Variants in TDRD9 observed in about 807,000 individuals in gnomAD.
TDRD9 encodes tudor domain containing 9, also known as ATP-dependent RNA helicase TDRD9.
A neutral mutation model predicts 172.6 loss-of-function variants in TDRD9; 124 were observed. The ratio of observed to expected loss-of-function variants is 0.72; its 90% CI spans 0.62 to 0.83. The LOEUF (loss-of-function observed/expected upper bound fraction) is 0.83. TDRD9 is among the 40% of genes least tolerant of loss of function. The pLI is 0.00. For synonymous variants in TDRD9, 619 were observed against 617.1 expected (o/e 1.00, Z -0.05); for missense variants, 1,479 against 1,714.1 (o/e 0.86, Z 2.42).
chr14:103,969,815 G>T (rs1566748172), intron 5 of TDRD9, among the ~76,000 whole-genome samples: 1 of 151,754 alleles, frequency 6.6e-6, no homozygotes, highest in Non-Finnish European at 1.5e-5. Flanking sequence ...AGCTGGTTCT[G>T]GGGTGGGGCG....
In TDRD9 at chr14:104,034,193, C is replaced by CT. The variant is rs1555375500; in HGVS notation, c.3619+139dup. On this transcript the variant is annotated intron_variant, in intron 31 of 35. Transcript: ENST00000409874. ...ACACTATGTACTATTCTTTTTTTTT[C>CT]TTTTTTTTTTTTTTTGAGACAGAGT... 68 of 158,310 alleles carry CT rather than the reference C, an allele frequency of 4.3e-4. 1 individual carries two copies. Among genetic ancestry groups the CT allele is most frequent in the African/African-American group, 1.6e-3 (48 of 30,198 alleles). The allele number at this position is 158,310 out of a possible 1,614,324, so 9.8% of individuals were successfully genotyped here.
At chr14:103,937,755 G>A (rs950276773) in intron 1 of TDRD9, among the ~76,000 whole-genome samples, 3 of 152,140 alleles carry the variant, frequency 2.0e-5, no homozygotes, top group African/African-American at 7.2e-5. Context: ...TTTAGAGGGT[G>A]TGTGTGTGTA....
chr14:103,957,821 C>T (rs572956853), intron 2 of TDRD9, among the ~76,000 whole-genome samples: 6 of 152,158 alleles, frequency 3.9e-5, no homozygotes, highest in African/African-American at 9.7e-5. Context: ...TGTAGCGTGC[C>T]GGATGGATTA....
intron 12 of TDRD9, 65 bp downstream of exon 12, chr14:103,995,872 C>A: frequency 1.4e-6 from 2 of 1,388,160 alleles, no homozygotes; most frequent in Non-Finnish European, 2.0e-6. Context: ...GCTTATTCAC[C>A]TCACTCAGGA....
chr14:103,928,783 G>T, intron 1 of TDRD9, 59 bp downstream of exon 1: 1 of 552,698 alleles, frequency 1.8e-6, no homozygotes, highest in Non-Finnish European at 2.6e-6. Flanking sequence ...CTGGCGACGA[G>T]GGCACGGGCC....
chr14:103,938,684 G>A (rs938848368), intron 1 of TDRD9, among the ~76,000 whole-genome samples: 3 of 151,528 alleles, frequency 2.0e-5, no homozygotes, highest in Non-Finnish European at 2.9e-5. Context: ...TGATTCGCCC[G>A]CCTCGGCCTC....
chr14:104,006,178 C>G (rs1164552936), intron 15 of TDRD9, among the ~76,000 whole-genome samples: 3 of 151,972 alleles, frequency 2.0e-5, no homozygotes, highest in Non-Finnish European at 2.9e-5. Flanking sequence ...CTCCCAGGAT[C>G]ATACTTTTAA....
chr14:104,018,177 T>G lies in TDRD9; in HGVS notation c.2417T>G (p.Val806Gly). The G allele has an allele frequency of 6.3e-7, 1 of 1,589,400 alleles. No homozygotes were observed. The highest frequency in any genetic ancestry group is 8.6e-7 in the Non-Finnish European group (1 of 1,160,338). Residue 806 changes from valine (V) to glycine (G), a missense_variant, in exon 23 of 36, where the codon GTA (valine) becomes GGA (glycine). Physicochemically the swap from Val to Gly is moderately radical, Grantham distance 109 (BLOSUM62 -3). Coordinates refer to ENST00000409874, the MANE Select transcript of TDRD9 (RefSeq NM_153046.3). ...CAGTGTGGTCAAGTCAAATCCATTG[T>G]ATTTGATGGTGCAAAGTAAGTATAT... Reference protein sequence around the residue: ...FRQCGQVKSIVFDGAKAFVEF... With the variant: ...FRQCGQVKSIGFDGAKAFVEF...
Position 104,005,257 on chromosome 14 carries a change from G to A in TDRD9, c.1582-17G>A, listed in dbSNP as rs766102559. 8 of 1,613,428 alleles carry A rather than the reference G, an allele frequency of 5.0e-6. No homozygotes were observed. Among genetic ancestry groups the A allele is most frequent in the Middle Eastern group, 1.7e-4 (1 of 6,060 alleles). Reference sequence around the variant, plus strand: ...AGTTATGTTATTATTTCTAATCTCAGGCTTGTTTCTTTTCAGCGTTGTCCA... The same window carrying A: ...AGTTATGTTATTATTTCTAATCTCAAGCTTGTTTCTTTTCAGCGTTGTCCA... On this transcript the variant is annotated splice_polypyrimidine_tract_variant and intron_variant, in intron 14 of 35. Transcript: ENST00000409874.
intron 27 of TDRD9, 65 bp downstream of exon 27, chr14:104,026,201 TGG>T: frequency 1.8e-6 from 2 of 1,109,840 alleles, no homozygotes; most frequent in Non-Finnish European, 2.7e-6. Context: ...GGTGGATTCC[TGG>T]GTCATATGGT....
intron 7 of TDRD9, among the ~76,000 whole-genome samples, chr14:103,982,674 G>A (rs578200786): frequency 1.3e-5 from 2 of 152,302 alleles, no homozygotes; most frequent in Admixed American, 6.5e-5. Context: ...GGGAGGCCGA[G>A]GCAGGCGGAT....
chr14:104,029,552 A>G (rs763131774), intron 28 of TDRD9, among the ~76,000 whole-genome samples: 17 of 152,192 alleles, frequency 1.1e-4, no homozygotes, highest in Admixed American at 2.6e-4. Flanking sequence ...GAATTCATTT[A>G]TCAGCTCTAA....
intron 1 of TDRD9, among the ~76,000 whole-genome samples, chr14:103,947,851 CAAAA>C (rs1197750780): frequency 6.6e-6 from 1 of 151,782 alleles, no homozygotes; most frequent in East Asian, 1.9e-4. Context: ...GCACAGGCAA[CAAAA>C]GAAGAAAGAC....
rs1566776609 is a variant in TDRD9, at chr14:104,005,413, T to A, written c.1713+8T>A. The A allele has an allele frequency of 1.9e-6, 3 of 1,613,924 alleles. No individual in the cohort carries two copies. Among genetic ancestry groups the A allele is most frequent in the Non-Finnish European group, 2.5e-6 (3 of 1,179,842 alleles). On this transcript the variant is annotated splice_region_variant and intron_variant, in intron 15 of 35. Coordinates refer to ENST00000409874, the MANE Select transcript of TDRD9 (RefSeq NM_153046.3). ...ATCCTTCTACTAAAGGAGGTAGGAC[T>A]GCCTGCTGGTTAGTACTGTTGGCAT...
intron 1 of TDRD9, among the ~76,000 whole-genome samples, chr14:103,936,844 T>A (rs2152116721): frequency 6.6e-6 from 1 of 152,304 alleles, no homozygotes; most frequent in East Asian, 1.9e-4. Flanking sequence ...GTAATCCCAG[T>A]GCTTTGGGAA....
At chr14:104,048,324 G>C (rs1029060324) in intron 34 of TDRD9, among the ~76,000 whole-genome samples, 2 of 152,162 alleles carry the variant, frequency 1.3e-5, no homozygotes, top group African/African-American at 4.8e-5. Context: ...CTGCAGCCTT[G>C]AACTCCTGGG....
intron 1 of TDRD9, chr14:103,941,765 G>C (rs2031250956): frequency 8.1e-7 from 1 of 1,231,418 alleles, no homozygotes; most frequent in Non-Finnish European, 1.1e-6. Context: ...GCAAATATTT[G>C]TTTCTTTACA....
intron 1 of TDRD9, among the ~76,000 whole-genome samples, chr14:103,954,254 A>G (rs2032086515): frequency 6.6e-6 from 1 of 152,212 alleles, no homozygotes. Flanking sequence ...CCTGTTGGAC[A>G]TGTTTTTCAG....
In TDRD9 at chr14:104,014,794, C is replaced by A; in HGVS notation, c.2176C>A (p.Pro726Thr). ...CAACATGCATGTTGATTCTCGGCGA[C>A]CTGTCATGGACCAAGAGTATATATA... ...QFNMHVDSRR[P>T]VMDQEYIYKQ... The change falls in exon 21 of 36, where the codon CCT becomes ACT. Residue 726 changes from proline (P) to threonine (T), a missense_variant. This residue lies in a region of TDRD9 where 1,413 missense variants were observed against 1,649.1 expected (regional missense o/e 0.86). Coordinates refer to ENST00000409874, the MANE Select transcript of TDRD9 (RefSeq NM_153046.3). The A allele has an allele frequency of 1.2e-6, 2 of 1,612,352 alleles. No individual in the cohort carries two copies. Among genetic ancestry groups the A allele is most frequent in the Non-Finnish European group, 1.7e-6 (2 of 1,179,190 alleles).
Sources: gnomAD v4.1 joint callset for allele counts (sites outside exome capture counted in the v4.1 genomes callset) on GRCh38, gnomAD v4.1.1 for gene constraint, gnomAD v4.1.1 regional missense constraint, MANE v1.5 for transcripts, NCBI Gene and HGNC (gene_info 2026-07-23, HGNC 2026-07-21) for gene names.